Variants in RCSD1 observed in about 807,000 individuals in gnomAD.
RCSD1 encodes RCSD domain containing 1, also known as capZ-interacting protein.
Under a neutral mutation model 42.5 loss-of-function variants are expected in RCSD1, and 26 were observed. The observed-to-expected ratio is 0.61, with a 90% confidence interval of 0.45 to 0.85. RCSD1 has a LOEUF of 0.85. Among genes scored for constraint, RCSD1 ranks in the 40% least tolerant of loss-of-function variants. The pLI is 0.00. For synonymous variants in RCSD1, 220 were observed against 212.2 expected, an observed-to-expected ratio of 1.04 and a Z score of -0.32; for missense variants, 571 against 528.3, an observed-to-expected ratio of 1.08 and a Z score of -0.79.
intron 5 of RCSD1, among the ~76,000 whole-genome samples, chr1:167,694,638 G>T (rs912868443): frequency 6.6e-6 from 1 of 152,192 alleles, no homozygotes; most frequent in African/African-American, 2.4e-5. Context: ...AATGTCAAAA[G>T]CTGAACGCAA....
intron 6 of RCSD1, among the ~76,000 whole-genome samples, chr1:167,698,955 A>G (rs1393273906): frequency 1.3e-5 from 2 of 151,514 alleles, no homozygotes; most frequent in East Asian, 1.9e-4. Flanking sequence ...GCCCGCCACC[A>G]CGCCCGGCTA....
intron 1 of RCSD1, among the ~76,000 whole-genome samples, chr1:167,667,203 C>A (rs1052142348): frequency 2.0e-5 from 3 of 150,614 alleles, no homozygotes; most frequent in Non-Finnish European, 4.4e-5. Context: ...ATGGAGCCCT[C>A]TTGATATACT....
At chr1:167,660,335 C>A (rs966702664) in intron 1 of RCSD1, among the ~76,000 whole-genome samples, 3 of 152,162 alleles carry the variant, frequency 2.0e-5, no homozygotes, top group African/African-American at 7.2e-5. Flanking sequence ...CACATCTGAT[C>A]CCCATCCTTA....
chr1:167,634,306 A>G (rs1657776130), intron 1 of RCSD1, among the ~76,000 whole-genome samples: 1 of 152,176 alleles, frequency 6.6e-6, no homozygotes, highest in African/African-American at 2.4e-5. Flanking sequence ...CATGTCTTAT[A>G]TATTTAGAGC....
At chr1:167,701,094 A>C (rs1659625847) in intron 6 of RCSD1, among the ~76,000 whole-genome samples, 1 of 152,028 alleles carries the variant, frequency 6.6e-6, no homozygotes, top group Admixed American at 6.6e-5. Context: ...AGGGGAAGAG[A>C]ATGCCCAGCA....
chr1:167,637,730 CCACACACACACA>C (rs66925392), intron 1 of RCSD1, among the ~76,000 whole-genome samples: 9 of 146,740 alleles, frequency 6.1e-5, no homozygotes, highest in African/African-American at 1.0e-4. Context: ...TAGGAATAGA[CCACACACACACA>C]CACACACACA....
At chr1:167,686,513 A>G (rs1237780699) in intron 3 of RCSD1, among the ~76,000 whole-genome samples, 2 of 152,184 alleles carry the variant, frequency 1.3e-5, no homozygotes, top group Admixed American at 1.3e-4. Flanking sequence ...GCAGAAACTC[A>G]TCGCTGCCCC....
chr1:167,634,305 T>C (rs151184487), intron 1 of RCSD1, among the ~76,000 whole-genome samples: 205 of 152,246 alleles, frequency 1.3e-3, no homozygotes, highest in Middle Eastern at 3.4e-3. Context: ...CCATGTCTTA[T>C]ATATTTAGAG....
In RCSD1 at chr1:167,704,775, C is replaced by T. The variant is rs1403757534; in HGVS notation, c.*79C>T. ...GTAGCAGCAACAGTTGTAGCAGCAG[C>T]AGACGAAGCCATTGCAGAGGCAGAA... is the stretch of plus-strand genomic sequence containing the variant. On this transcript the variant is annotated 3_prime_UTR_variant, in exon 7 of 7. Transcript: ENST00000367854. 12 of 1,410,656 alleles carry T rather than the reference C, an allele frequency of 8.5e-6. No homozygotes were observed. Among genetic ancestry groups the T allele is most frequent in the Non-Finnish European group, 1.2e-5 (12 of 1,002,464 alleles). 87.4% of individuals were successfully genotyped at this position (1,410,656 alleles called of 1,614,324 possible).
At chr1:167,634,253 C>A (rs1012125382) in intron 1 of RCSD1, among the ~76,000 whole-genome samples, 1 of 152,226 alleles carries the variant, frequency 6.6e-6, no homozygotes, top group South Asian at 2.1e-4. Context: ...GAACTGTCAG[C>A]CTCCCTAACT....
chr1:167,695,529 T>G (rs1659478034), intron 5 of RCSD1, among the ~76,000 whole-genome samples: 1 of 143,516 alleles, frequency 7.0e-6, no homozygotes, highest in South Asian at 2.2e-4. Flanking sequence ...AAATTTATTT[T>G]ACACACTAAT....
At chr1:167,651,716 C>T (rs1017967132) in intron 1 of RCSD1, among the ~76,000 whole-genome samples, 2 of 152,154 alleles carry the variant, frequency 1.3e-5, no homozygotes, top group African/African-American at 4.8e-5. Flanking sequence ...TCTTACCCTC[C>T]CAGGATTATT....
intron 4 of RCSD1, among the ~76,000 whole-genome samples, chr1:167,693,113 C>G (rs1659414783): frequency 6.6e-6 from 1 of 152,144 alleles, no homozygotes; most frequent in Non-Finnish European, 1.5e-5. Context: ...TATGGAAAAC[C>G]CATGTACTTC....
chr1:167,631,734 C>T (rs1657701135), intron 1 of RCSD1, among the ~76,000 whole-genome samples: 1 of 152,236 alleles, frequency 6.6e-6, no homozygotes, highest in Admixed American at 6.5e-5. Flanking sequence ...ATCCTCTAAG[C>T]CTTGGCCTCC....
intron 1 of RCSD1, among the ~76,000 whole-genome samples, chr1:167,635,278 C>T (rs1012876196): frequency 2.6e-5 from 4 of 152,124 alleles, no homozygotes; most frequent in Non-Finnish European, 5.9e-5. Flanking sequence ...GAGTTTGGCT[C>T]GGTGGACTTG....
chr1:167,689,875 G>A (rs1017151288), intron 3 of RCSD1, among the ~76,000 whole-genome samples, 174 bp from the exon 4 acceptor site: 3 of 152,180 alleles, frequency 2.0e-5, no homozygotes, highest in African/African-American at 7.2e-5. Flanking sequence ...ATGAGGGAGG[G>A]AGGGGGAAAG....
At chr1:167,643,008 T>A (rs1350617684) in intron 1 of RCSD1, among the ~76,000 whole-genome samples, 2 of 152,192 alleles carry the variant, frequency 1.3e-5, no homozygotes, top group African/African-American at 4.8e-5. Context: ...AGACCATCAA[T>A]CCTGGGTTTT....
At chr1:167,672,211 C>T (rs747563387) in intron 1 of RCSD1, among the ~76,000 whole-genome samples, 3 of 152,182 alleles carry the variant, frequency 2.0e-5, no homozygotes, top group Non-Finnish European at 4.4e-5. Context: ...TAGCTCTCTC[C>T]ACTGGAATGT....
rs964106101 is a variant in RCSD1, at chr1:167,697,918, G to A, written c.1218+76G>A. 137 of 1,358,006 alleles carry A rather than the reference G, an allele frequency of 1.0e-4. No homozygotes were observed. In the East Asian group the frequency reaches 1.1e-3, roughly 11 times the overall value. The allele number at this position is 1,358,006 out of a possible 1,614,324, so 84.1% of individuals were successfully genotyped here. ...GTGCCTCTGTCACATGTCCTGTTCC[G>A]TACAGTCCCTTCATAAATCAGCTCG... On this transcript the variant is annotated intron_variant, in intron 6 of 6. Transcript: ENST00000367854.
Sources: gnomAD v4.1 joint callset for allele counts (sites outside exome capture counted in the v4.1 genomes callset) on GRCh38, gnomAD v4.1.1 for gene constraint, MANE v1.5 for transcripts, NCBI Gene and HGNC (gene_info 2026-07-23, HGNC 2026-07-21) for gene names.